TSPEAR: variants seen among roughly 807,000 people sequenced by gnomAD.
The protein encoded by TSPEAR is thrombospondin-type laminin G domain and EAR repeat-containing protein.
Under a neutral mutation model 71.6 loss-of-function variants are expected in TSPEAR, and 69 were observed. The observed-to-expected ratio is 0.96, with a 90% CI of 0.79 to 1.18. The LOEUF is 1.18. Ranked by LOEUF, TSPEAR falls within the 50% of genes most tolerant of loss-of-function variation. The pLI, the probability that TSPEAR is intolerant of heterozygous loss-of-function variation, is 0.00. For missense variants in TSPEAR, 971 were observed against 894.9 expected, an observed-to-expected ratio of 1.09 and a Z score of -1.09; for synonymous variants, 402 against 387.2, an observed-to-expected ratio of 1.04 and a Z score of -0.45.
chr21:44,668,496 C>G (rs1042500761), intron 1 of TSPEAR, among the ~76,000 whole-genome samples: 8 of 152,080 alleles, frequency 5.3e-5, no homozygotes, highest in Non-Finnish European at 1.0e-4. Context: ...CAATGCAATC[C>G]CTGTCAAAAT....
At chr21:44,690,674 T>A in intron 1 of TSPEAR, 1 of 798,746 alleles carries the variant, frequency 1.3e-6, no homozygotes, top group Non-Finnish European at 1.5e-6. Context: ...GACAGCAAAT[T>A]ATTAACCATA....
chr21:44,521,598 T>TGCCAGGGTGGGGCAGA (rs1402009193), intron 9 of TSPEAR, among the ~76,000 whole-genome samples: 9 of 152,242 alleles, frequency 5.9e-5, no homozygotes, highest in African/African-American at 2.2e-4. Context: ...GAGAACACCA[T>TGCCAGGGTGGGGCAGA]GCCAGGGTGG....
intron 1 of TSPEAR, among the ~76,000 whole-genome samples, chr21:44,669,738 T>A (rs1355373455): frequency 6.6e-6 from 1 of 152,208 alleles, no homozygotes; most frequent in Non-Finnish European, 1.5e-5. Context: ...GGAGGTGGCG[T>A]GCCTTGTTGG....
chr21:44,532,837 C>T (rs2052999977), intron 3 of TSPEAR, among the ~76,000 whole-genome samples: 1 of 152,184 alleles, frequency 6.6e-6, no homozygotes, highest in South Asian at 2.1e-4. Context: ...CCAAAAGCCC[C>T]CATTGTGTCC....
rs2052215873 is a variant in TSPEAR, at chr21:44,506,897, G to C, written c.1755-2016C>G. 1 of 152,202 alleles carries C rather than the reference G, an allele frequency of 6.6e-6. No homozygotes were observed. Among genetic ancestry groups the C allele is most frequent in the Non-Finnish European group, 1.5e-5 (1 of 68,042 alleles). 9.4% of individuals were successfully genotyped at this position (152,202 alleles called of 1,614,324 possible). A position where few individuals can be genotyped will look rare whatever the true frequency, so the allele number is the denominator to read the frequency against. On this transcript the variant is annotated intron_variant, in intron 10 of 11. Coordinates refer to ENST00000323084, the MANE Select transcript of TSPEAR (RefSeq NM_144991.3). The surrounding 1 kb of genome is among the most constrained non-coding windows in gnomAD (Gnocchi z 4.2). ...GTTTCACCACAAAATAAGGCATCTA[G>C]TGCCCGATTCTGCCTCCAAAGCAGC...
chr21:44,656,409 C>T (rs2146259266), intron 1 of TSPEAR, among the ~76,000 whole-genome samples: 1 of 152,248 alleles, frequency 6.6e-6, no homozygotes, highest in East Asian at 1.9e-4. Context: ...AGGTTTTTAC[C>T]TCAACATGTT....
At chr21:44,525,165 G>A (rs78756488) in intron 8 of TSPEAR, among the ~76,000 whole-genome samples, 6,269 of 152,066 alleles carry the variant, frequency 0.041, 446 homozygotes, top group African/African-American at 0.14. Flanking sequence ...TAGTCAGTCA[G>A]TCAGTCAGTG....
chr21:44,566,489 A>G (rs1454692764), intron 2 of TSPEAR, among the ~76,000 whole-genome samples: 1 of 152,194 alleles, frequency 6.6e-6, no homozygotes, highest in Admixed American at 6.5e-5. Context: ...CTCTGTAGAC[A>G]TTCACAAGTT....
intron 1 of TSPEAR, among the ~76,000 whole-genome samples, chr21:44,610,824 C>G (rs1021077040): frequency 2.0e-5 from 3 of 152,222 alleles, no homozygotes; most frequent in Admixed American, 6.5e-5. Context: ...CATGGGAACC[C>G]ACCTCTTGCA....
rs587747007 is a variant in TSPEAR at position 44,558,345 on chromosome 21, C to T, written c.303+9440G>A. 136 of 1,613,436 alleles carry T rather than the reference C, an allele frequency of 8.4e-5. No homozygotes were observed. The East Asian group carries it at 2.7e-3, about 33-fold the overall frequency. ...AGCCCCAGAGCAGACGGGCACACAGCAGATGGGCTTGCAGCAGACAGGCTT... is the reference window on the plus strand; with the variant it reads ...AGCCCCAGAGCAGACGGGCACACAGTAGATGGGCTTGCAGCAGACAGGCTT... On this transcript the variant is annotated intron_variant, in intron 2 of 11. Coordinates refer to ENST00000323084, the MANE Select transcript of TSPEAR (RefSeq NM_144991.3).
chr21:44,614,640 C>T (rs1694236793), intron 1 of TSPEAR, among the ~76,000 whole-genome samples: 1 of 152,208 alleles, frequency 6.6e-6, no homozygotes, highest in African/African-American at 2.4e-5. Context: ...CTGGGGGGAC[C>T]ATCACCAGCA....
chr21:44,518,060 TAATG>T (rs1307480053), intron 9 of TSPEAR, among the ~76,000 whole-genome samples: 12 of 152,378 alleles, frequency 7.9e-5, no homozygotes, highest in African/African-American at 1.9e-4. Context: ...TCAGTCATGT[TAATG>T]AATGTCTTCT....
intron 1 of TSPEAR, among the ~76,000 whole-genome samples, chr21:44,578,073 G>A (rs1464118485): frequency 6.6e-6 from 1 of 152,214 alleles, no homozygotes; most frequent in African/African-American, 2.4e-5. Flanking sequence ...CTTCCACCAT[G>A]ATTGTGAGGC....
chr21:44,640,051 G>A (rs2146226223), intron 1 of TSPEAR, among the ~76,000 whole-genome samples: 1 of 152,338 alleles, frequency 6.6e-6, no homozygotes, highest in East Asian at 1.9e-4. Flanking sequence ...TACCCCGGAG[G>A]AATGAAACAA....
intron 1 of TSPEAR, among the ~76,000 whole-genome samples, chr21:44,668,928 A>G (rs939524055): frequency 6.6e-6 from 1 of 152,184 alleles, no homozygotes; most frequent in Non-Finnish European, 1.5e-5. Flanking sequence ...AATTGAAACT[A>G]TTTTTTAAAT....
intron 1 of TSPEAR, chr21:44,666,755 C>T: frequency 6.2e-7 from 1 of 1,614,126 alleles, no homozygotes; most frequent in African/African-American, 1.3e-5. Context: ...CGGGCACACA[C>T]ACGGAGGACT....
intron 11 of TSPEAR, among the ~76,000 whole-genome samples, chr21:44,501,768 C>A (rs1463679701): frequency 6.6e-5 from 10 of 151,834 alleles, no homozygotes; most frequent in South Asian, 2.1e-4. Flanking sequence ...CTGTCCCCCC[C>A]AAAAAATAAA....
At chr21:44,622,399 G>A (rs1982500386) in intron 1 of TSPEAR, among the ~76,000 whole-genome samples, 1 of 152,054 alleles carries the variant, frequency 6.6e-6, no homozygotes, top group Non-Finnish European at 1.5e-5. Flanking sequence ...TAGTTCCTTG[G>A]GCTGCCACAT....
At chr21:44,615,118 C>T (rs1308549221) in intron 1 of TSPEAR, among the ~76,000 whole-genome samples, 2 of 152,216 alleles carry the variant, frequency 1.3e-5, no homozygotes, top group African/African-American at 2.4e-5. Flanking sequence ...AGAGGCCCTC[C>T]TGGACTCCGC....
Sources: allele counts gnomAD v4.1 joint callset (sites outside exome capture counted in the v4.1 genomes callset), GRCh38; gene constraint gnomAD v4.1.1; non-coding constraint Gnocchi (gnomAD v3.1); transcripts MANE v1.5; gene names NCBI Gene and HGNC (gene_info 2026-07-23, HGNC 2026-07-21).